Variants in TMEM38B observed in about 807,000 individuals in gnomAD.
TMEM38B encodes the protein transmembrane protein 38B.
Under a neutral mutation model 28.7 loss-of-function variants are expected in TMEM38B, and 24 were observed. The observed-to-expected ratio is 0.84, with a 90% CI of 0.61 to 1.18. TMEM38B has a LOEUF of 1.18. Ranked by LOEUF, TMEM38B falls within the 50% of genes most tolerant of loss-of-function variation. The pLI, the probability that TMEM38B is intolerant of heterozygous loss-of-function variation, is 0.00. For missense variants in TMEM38B, 380 were observed against 350.9 expected (o/e 1.08, Z -0.66); for synonymous variants, 131 against 127.7 (o/e 1.03, Z -0.17).
intron 4 of TMEM38B, among the ~76,000 whole-genome samples, chr9:105,739,124 G>T (rs1837092830): frequency 6.6e-6 from 1 of 152,042 alleles, no homozygotes; most frequent in African/African-American, 2.4e-5. Context: ...TTTTCCCACT[G>T]AATAGACTTG....
intron 5 of TMEM38B, among the ~76,000 whole-genome samples, chr9:105,762,603 C>T (rs972661389): frequency 7.2e-6 from 1 of 138,880 alleles, no homozygotes; most frequent in Middle Eastern, 3.4e-3. Flanking sequence ...TTTTTTATGG[C>T]TGCATAGTAT....
chr9:105,714,755 G>C (rs112338282), intron 2 of TMEM38B, among the ~76,000 whole-genome samples: 200 of 152,310 alleles, frequency 1.3e-3, no homozygotes, highest in African/African-American at 4.6e-3. Flanking sequence ...ACCTGGTGTT[G>C]TAAGATTCAT....
intron 2 of TMEM38B, among the ~76,000 whole-genome samples, chr9:105,715,657 T>C (rs1015411344): frequency 3.3e-5 from 5 of 152,160 alleles, no homozygotes; most frequent in African/African-American, 1.2e-4. Flanking sequence ...CTATCTGTTA[T>C]GTTTCTCTTT....
At chr9:105,715,855 T>C (rs1425210940) in intron 2 of TMEM38B, among the ~76,000 whole-genome samples, 1 of 152,202 alleles carries the variant, frequency 6.6e-6, no homozygotes, top group African/African-American at 2.4e-5. Context: ...ATCTGTTTTG[T>C]TTGCACATTT....
intron 2 of TMEM38B, among the ~76,000 whole-genome samples, chr9:105,708,475 A>G (rs995082333): frequency 6.6e-6 from 1 of 152,180 alleles, no homozygotes; most frequent in African/African-American, 2.4e-5. Flanking sequence ...AAGTTAGAAC[A>G]TGTCACTCAT....
chr9:105,712,124 A>G (rs1835928575), intron 2 of TMEM38B, among the ~76,000 whole-genome samples: 1 of 152,186 alleles, frequency 6.6e-6, no homozygotes, highest in South Asian at 2.1e-4. Context: ...CACGTTGGCC[A>G]GGCTGGTCTC....
At chr9:105,696,719 C>T (rs2133540052) in intron 1 of TMEM38B, among the ~76,000 whole-genome samples, 1 of 152,282 alleles carries the variant, frequency 6.6e-6, no homozygotes, top group Non-Finnish European at 1.5e-5. Context: ...GATGGTGGAT[C>T]ACCCCATTAC....
Position 105,774,268 on chromosome 9 carries a change from G to T in TMEM38B, c.*188G>T, listed in dbSNP as rs113159284. 143 of 544,952 alleles carry T rather than the reference G, an allele frequency of 2.6e-4. No homozygotes were observed. The highest frequency in any genetic ancestry group is 2.0e-3 in the African/African-American group (108 of 52,850). 33.8% of individuals were successfully genotyped at this position (544,952 alleles called of 1,614,324 possible). Reference sequence around the variant, plus strand: ...GGATTGTATTTGTAGAGTGTTACGAGTGTATCATGTGATTATGCTTTACCG... The same window carrying T: ...GGATTGTATTTGTAGAGTGTTACGATTGTATCATGTGATTATGCTTTACCG... On this transcript the variant is annotated 3_prime_UTR_variant, in exon 6 of 6. Transcript: ENST00000374692.
chr9:105,772,817 A>G (rs1276934616), intron 5 of TMEM38B, among the ~76,000 whole-genome samples: 1 of 151,990 alleles, frequency 6.6e-6, no homozygotes, highest in African/African-American at 2.4e-5. Flanking sequence ...TTTGTGTCTC[A>G]TTTTCACCTA....
At chr9:105,753,121 A>G (rs1345377710) in intron 5 of TMEM38B, among the ~76,000 whole-genome samples, 3 of 152,202 alleles carry the variant, frequency 2.0e-5, no homozygotes, top group Non-Finnish European at 2.9e-5. Flanking sequence ...AAAATAGAGA[A>G]AAAATAATGA....
rs550244624 is a variant in TMEM38B, at chr9:105,706,588, C to T, written c.269+835C>T. On this transcript the variant is annotated intron_variant, in intron 2 of 5. Coordinates refer to ENST00000374692, the MANE Select transcript of TMEM38B (RefSeq NM_018112.3). Reference sequence around the variant, plus strand: ...ATAGCTGGTGGCCTTTTAGCTGTGTCAAAAGAAAAACAAGAATTGGCTAAA... The same window carrying T: ...ATAGCTGGTGGCCTTTTAGCTGTGTTAAAAGAAAAACAAGAATTGGCTAAA... 2.0e-5 allele frequency among the ~76,000 whole-genome samples: 3 copies of T among 152,048 alleles called. No individual in the cohort carries two copies. In the East Asian group the frequency reaches 5.8e-4, roughly 29 times the overall value.
At chr9:105,769,453 C>T (rs1232340656) in intron 5 of TMEM38B, among the ~76,000 whole-genome samples, 1 of 152,134 alleles carries the variant, frequency 6.6e-6, no homozygotes, top group Non-Finnish European at 1.5e-5. Flanking sequence ...GTAGTTGGGA[C>T]TACAGGTGTG....
intron 5 of TMEM38B, among the ~76,000 whole-genome samples, chr9:105,764,418 A>G (rs1471455469): frequency 2.0e-5 from 3 of 152,186 alleles, no homozygotes; most frequent in South Asian, 4.1e-4. Context: ...AAAAATCACA[A>G]GCATTCTTAT....
intron 2 of TMEM38B, among the ~76,000 whole-genome samples, chr9:105,715,921 A>G (rs184641053): frequency 7.6e-4 from 116 of 152,172 alleles, no homozygotes; most frequent in African/African-American, 2.8e-3. Context: ...TTTTCTTGTA[A>G]TAACTTTGTA....
At chr9:105,749,917 G>A (rs745616657) in intron 5 of TMEM38B, among the ~76,000 whole-genome samples, 18 of 152,136 alleles carry the variant, frequency 1.2e-4, no homozygotes, top group African/African-American at 4.3e-4. Flanking sequence ...TGTTAATTCT[G>A]TTTATCCTTT....
intron 5 of TMEM38B, among the ~76,000 whole-genome samples, chr9:105,770,643 A>T (rs1268507547): frequency 6.6e-6 from 1 of 152,144 alleles, no homozygotes; most frequent in African/African-American, 2.4e-5. Flanking sequence ...ATCTATGGAG[A>T]AAGCATAGAG....
intron 4 of TMEM38B, among the ~76,000 whole-genome samples, chr9:105,728,586 T>A (rs1295466167): frequency 2.0e-5 from 3 of 152,198 alleles, no homozygotes; most frequent in Admixed American, 6.5e-5. Context: ...TGATTTATAA[T>A]CCTTTGGGTA....
At chr9:105,741,433 G>A (rs1460249344) in intron 4 of TMEM38B, among the ~76,000 whole-genome samples, 5 of 152,126 alleles carry the variant, frequency 3.3e-5, no homozygotes, top group Non-Finnish European at 7.3e-5. Context: ...GCATATTAGA[G>A]CCTATAAATA....
chr9:105,759,302 G>C (rs1837949764), intron 5 of TMEM38B: 1 of 827,502 alleles, frequency 1.2e-6, no homozygotes, highest in Admixed American at 2.0e-5. Context: ...ATGATCCACA[G>C]TCTTAAAAAT....
Sources: allele counts gnomAD v4.1 joint callset (sites outside exome capture counted in the v4.1 genomes callset), GRCh38; gene constraint gnomAD v4.1.1; transcripts MANE v1.5; gene names NCBI Gene and HGNC (gene_info 2026-07-23, HGNC 2026-07-21).